NAF1: variants seen among roughly 807,000 people sequenced by gnomAD.
NAF1 encodes nuclear assembly factor 1 ribonucleoprotein, also known as H/ACA ribonucleoprotein complex non-core subunit NAF1.
NAF1 carries 11 observed loss-of-function variants against 40.6 expected under a neutral mutation model. The ratio of observed to expected loss-of-function variants is 0.27; its 90% CI spans 0.17 to 0.45. The LOEUF (loss-of-function observed/expected upper bound fraction) is 0.45, where lower values mean the gene tolerates loss of function less well. Among genes scored for constraint, NAF1 ranks in the 20% least tolerant of loss-of-function variants. The probability of loss-of-function intolerance (pLI) is 1.00; values close to 1 mark genes in which losing one functional copy is unlikely to be tolerated. For synonymous variants in NAF1, 260 were observed against 228.5 expected, an observed-to-expected ratio of 1.14 and a Z score of -1.24; for missense variants, 607 against 611.1, an observed-to-expected ratio of 0.99 and a Z score of 0.07.
chr4:163,165,754 C>A (rs1446276521), intron 1 of NAF1, among the ~76,000 whole-genome samples: 1 of 152,116 alleles, frequency 6.6e-6, no homozygotes, highest in Admixed American at 6.5e-5. Context: ...CCAGAGATTT[C>A]ATATTTAAAA....
rs556513257 is a variant in NAF1, at chr4:163,139,797, T to C, written c.878+426A>G. 9.9e-5 allele frequency among the ~76,000 whole-genome samples: 15 copies of C among 151,774 alleles called. No homozygotes were observed. The Middle Eastern group carries it at 0.01, about 103-fold the overall frequency. ...AAGCAAAATAAAGAGATAACACTCATTTTTTTTCTCTTGAAAACTATTTTA... is the reference window on the plus strand; with the variant it reads ...AAGCAAAATAAAGAGATAACACTCACTTTTTTTCTCTTGAAAACTATTTTA... On this transcript the variant is annotated intron_variant, in intron 5 of 7. Transcript: ENST00000274054.
In NAF1 at chr4:163,143,402, TG is replaced by T. The variant is rs533030727; in HGVS notation, c.717+2379del. Among the ~76,000 whole-genome samples the T allele has an allele frequency of 3.8e-3, 578 of 152,306 alleles. 2 individuals are homozygous for T. The highest frequency in any genetic ancestry group is 5.2e-3 in the Non-Finnish European group (356 of 68,022). On this transcript the variant is annotated intron_variant, in intron 4 of 7. Transcript: ENST00000274054. ...CCCCAAATTCCATCCCAGCGTAGGCTGGGCTTAAATGTTCTGTGTGCACCAT... is the reference window on the plus strand; with the variant it reads ...CCCCAAATTCCATCCCAGCGTAGGCTGGCTTAAATGTTCTGTGTGCACCAT...
At chr4:163,162,027 G>C (rs531198526) in intron 2 of NAF1, among the ~76,000 whole-genome samples, 1 of 152,138 alleles carries the variant, frequency 6.6e-6, no homozygotes, top group East Asian at 1.9e-4. Context: ...ACACAAACAG[G>C]AGTGACTATG....
rs2111080514 is a variant in NAF1, at chr4:163,166,434, G to A, written c.294C>T (p.Ser98=). 6.2e-7 allele frequency: 1 copy of A among 1,607,974 alleles called. No homozygotes were observed. Among genetic ancestry groups the A allele is most frequent in the Non-Finnish European group, 8.5e-7 (1 of 1,177,186 alleles). ...CCCGCGCAGGCTCTGCGGCTCCTGG[G>A]GAGGTGACGCAGTCTCCGCAGGCCG... ...ESPACGDCVT[S]PGAAEPARAP... Residue 98 remains serine, a synonymous_variant, in exon 1 of 8, where the codon TCC becomes TCT. Transcript: ENST00000274054.
intron 2 of NAF1, among the ~76,000 whole-genome samples, chr4:163,110,910 G>A (rs1232244879): frequency 6.6e-6 from 1 of 152,088 alleles, no homozygotes; most frequent in Non-Finnish European, 1.5e-5. Flanking sequence ...AACTGAGATA[G>A]AGCTGCTTGA....
downstream of NAF1, among the ~76,000 whole-genome samples, chr4:163,127,394 C>T (rs1037224872): frequency 2.0e-5 from 3 of 151,928 alleles, no homozygotes; most frequent in Admixed American, 6.6e-5. Flanking sequence ...CCTCCCAAAG[C>T]GCTGGGATTA....
intron 5 of NAF1, 106 bp from the exon 6 acceptor site, chr4:163,137,356 C>G: frequency 4.8e-6 from 6 of 1,239,768 alleles, no homozygotes; most frequent in Non-Finnish European, 5.5e-6. Flanking sequence ...ATGAGTTCAA[C>G]CTTTAATTTT....
rs1732499599 is a variant in NAF1, at chr4:163,166,781, CA to C, written c.-55del. On this transcript the variant is annotated 5_prime_UTR_variant, in exon 1 of 8. Transcript: ENST00000274054. ...CAGGATTGGGGCCCCTGGACAAGCT[CA>C]CGGCTCTCTCCAGAAATAGAAAAAC... The C allele has an allele frequency of 6.2e-7, 1 of 1,603,122 alleles. No individual in the cohort carries two copies.
At chr4:163,134,145 C>G (rs1313512244) in intron 6 of NAF1, among the ~76,000 whole-genome samples, 1 of 151,904 alleles carries the variant, frequency 6.6e-6, no homozygotes, top group African/African-American at 2.4e-5. Flanking sequence ...TGACTGTCAT[C>G]TATAGTTCAG....
intron 5 of NAF1, among the ~76,000 whole-genome samples, chr4:163,138,846 A>G (rs1311016908): frequency 6.6e-6 from 1 of 152,180 alleles, no homozygotes; most frequent in Non-Finnish European, 1.5e-5. Context: ...AAAAAGCTAA[A>G]TATATGGCAT....
chr4:163,144,005 G>A (rs1434805060), intron 4 of NAF1: 1 of 974,332 alleles, frequency 1.0e-6, no homozygotes. Flanking sequence ...CTGAGGGGGT[G>A]GGGAACAACA....
chr4:163,111,188 T>TA (rs770894104), intron 2 of NAF1, among the ~76,000 whole-genome samples: 36 of 152,194 alleles, frequency 2.4e-4, no homozygotes, highest in Admixed American at 6.5e-4. Context: ...GATTTGGTGT[T>TA]AAAAAAATAG....
chr4:163,107,915 A>G (rs12646879), downstream of NAF1, among the ~76,000 whole-genome samples: 90 of 152,290 alleles, frequency 5.9e-4, 3 homozygotes, highest in East Asian at 0.013. Context: ...CCTTCCAATA[A>G]TGAAGTTTTA....
chr4:163,154,890 C>CAAA (rs5863601), intron 2 of NAF1, among the ~76,000 whole-genome samples: 4 of 141,526 alleles, frequency 2.8e-5, no homozygotes, highest in African/African-American at 2.6e-5. Flanking sequence ...AAAACAAAAA[C>CAAA]AAAAAAAAAA....
intron 1 of NAF1, 113 bp from the exon 2 acceptor site, chr4:163,164,504 C>A: frequency 1.3e-6 from 1 of 742,100 alleles, no homozygotes; most frequent in South Asian, 2.9e-5. Flanking sequence ...ATTGCTTATT[C>A]TAATATTAAA....
intron 5 of NAF1, among the ~76,000 whole-genome samples, chr4:163,139,987 G>C (rs1731194338): frequency 6.6e-6 from 1 of 152,064 alleles, no homozygotes; most frequent in South Asian, 2.1e-4. Flanking sequence ...GAATCAGAAA[G>C]TGTACATGGC....
intron 2 of NAF1, among the ~76,000 whole-genome samples, chr4:163,158,850 C>T (rs567191298): frequency 6.9e-4 from 105 of 152,088 alleles, no homozygotes; most frequent in African/African-American, 2.5e-3. Flanking sequence ...AGAGTATTAG[C>T]CTAAATTTTT....
At chr4:163,150,235 T>C (rs1731645307) in intron 2 of NAF1, among the ~76,000 whole-genome samples, 1 of 152,138 alleles carries the variant, frequency 6.6e-6, no homozygotes, top group Admixed American at 6.5e-5. Flanking sequence ...TTTGCTTTTG[T>C]TGTTTGTTTA....
downstream of NAF1, among the ~76,000 whole-genome samples, chr4:163,126,535 T>C (rs1329565698): frequency 6.6e-6 from 1 of 152,232 alleles, no homozygotes; most frequent in African/African-American, 2.4e-5. Context: ...GAGTTACTTC[T>C]TATGCATAAG....
Sources: allele counts gnomAD v4.1 joint callset (sites outside exome capture counted in the v4.1 genomes callset), GRCh38; gene constraint gnomAD v4.1.1; transcripts MANE v1.5; gene names NCBI Gene and HGNC (gene_info 2026-07-23, HGNC 2026-07-21).